The following STPG1 variants were observed in gnomAD, a reference collection of about 807,000 sequenced individuals.
STPG1 encodes sperm tail PG-rich repeat containing 1, also known as O(6)-methylguanine-induced apoptosis 2.
In STPG1, 33 loss-of-function variants were observed where a neutral mutation model predicts 40.1. The observed-to-expected ratio is 0.82, with a 90% CI of 0.62 to 1.10. The LOEUF is 1.10. Among genes scored for constraint, STPG1 ranks in the 50% least tolerant of loss-of-function variants. STPG1 has a pLI of 0.00. For missense variants in STPG1, 396 were observed against 415.1 expected (o/e 0.95, Z 0.40); for synonymous variants, 150 against 155.0 (o/e 0.97, Z 0.24).
At chr1:24,367,663 C>T (rs1303746397) in intron 7 of STPG1, among the ~76,000 whole-genome samples, 4 of 152,100 alleles carry the variant, frequency 2.6e-5, no homozygotes, top group South Asian at 2.1e-4. Flanking sequence ...GGATTACAGG[C>T]GCCCTCCACC....
At chr1:24,410,318 C>T (rs1643567328) in intron 1 of STPG1, among the ~76,000 whole-genome samples, 1 of 152,074 alleles carries the variant, frequency 6.6e-6, no homozygotes, top group Non-Finnish European at 1.5e-5. Flanking sequence ...TTTAAACAAT[C>T]TGCAATCCAT....
intron 1 of STPG1, among the ~76,000 whole-genome samples, chr1:24,407,746 ATCT>A (rs1317687340): frequency 1.3e-5 from 2 of 152,064 alleles, no homozygotes; most frequent in African/African-American, 4.8e-5. Context: ...AAGTTCACTG[ATCT>A]TCTGAAGTCT....
At chr1:24,398,987 A>G (rs1355450793) in intron 2 of STPG1, among the ~76,000 whole-genome samples, 1 of 152,158 alleles carries the variant, frequency 6.6e-6, no homozygotes, top group African/African-American at 2.4e-5. Flanking sequence ...CTGATTGTAA[A>G]ATTTGTATAG....
At chr1:24,380,539 A>G (rs1456552854) in intron 4 of STPG1, among the ~76,000 whole-genome samples, 2 of 152,202 alleles carry the variant, frequency 1.3e-5, no homozygotes, top group Non-Finnish European at 2.9e-5. Context: ...ATTTCCCACT[A>G]TTTAATGGTC....
intron 4 of STPG1, among the ~76,000 whole-genome samples, chr1:24,380,871 C>T (rs1254759918): frequency 3.2e-4 from 48 of 152,146 alleles, no homozygotes; most frequent in Non-Finnish European, 1.5e-5. Context: ...CCAACTCTGC[C>T]AAACTCGAAT....
chr1:24,401,553 G>A, intron 1 of STPG1, 97 bp from the exon 2 acceptor site: 26 of 647,724 alleles, frequency 4.0e-5, no homozygotes, highest in East Asian at 3.9e-4. Flanking sequence ...CTGAGAAATG[G>A]TGTGGGTGCC....
intron 5 of STPG1, among the ~76,000 whole-genome samples, chr1:24,375,060 A>G (rs1028463582): frequency 1.3e-5 from 2 of 152,240 alleles, no homozygotes; most frequent in Non-Finnish European, 2.9e-5. Flanking sequence ...CGTATCATTT[A>G]AGATTGTGAT....
At chr1:24,362,497 A>G (rs1484414618) in intron 7 of STPG1, among the ~76,000 whole-genome samples, 1 of 152,238 alleles carries the variant, frequency 6.6e-6, no homozygotes, top group Admixed American at 6.5e-5. Flanking sequence ...CAGTATACAC[A>G]GCATTGCAAG....
intron 7 of STPG1, chr1:24,369,341 G>C (rs1302088740): frequency 2.0e-6 from 1 of 507,654 alleles, no homozygotes; most frequent in Non-Finnish European, 4.0e-6. Context: ...AATTCCCTGT[G>C]GCTCCTCAAG....
intron 2 of STPG1, among the ~76,000 whole-genome samples, chr1:24,397,775 T>C (rs1177824070): frequency 2.6e-5 from 4 of 152,142 alleles, no homozygotes; most frequent in Admixed American, 2.6e-4. Context: ...GTTGCTGATA[T>C]ATCAATACTC....
rs1642795389 is a variant in STPG1 at position 24,392,042 on chromosome 1, A to G, written c.71-363T>C. ...CCTGGACGAGGCGCGGTCAGGACAG[A>G]GGAAGCGTCCTCACTGCTCCTTGGC... On this transcript the variant is annotated intron_variant, in intron 2 of 8. Transcript: ENST00000337248. 7.8e-6 allele frequency: 8 copies of G among 1,019,120 alleles called. No individual in the cohort carries two copies. In the Admixed American group the frequency reaches 4.5e-4, roughly 57 times the overall value. 63.1% of individuals were successfully genotyped at this position (1,019,120 alleles called of 1,614,324 possible). A position where few individuals can be genotyped will look rare whatever the true frequency, so the allele number is the denominator to read the frequency against.
chr1:24,369,058 C>T (rs1641603200), intron 7 of STPG1: 1 of 201,474 alleles, frequency 5.0e-6, no homozygotes, highest in Non-Finnish European at 1.0e-5. Context: ...GAATTATTCC[C>T]ACCTTACAGA....
At chr1:24,360,714 T>A in intron 8 of STPG1, 137 bp downstream of exon 8, 1 of 764,052 alleles carries the variant, frequency 1.3e-6, no homozygotes, top group Non-Finnish European at 2.1e-6. Context: ...TGTGAACTGA[T>A]AATGCTTCCA....
chr1:24,366,548 T>A (rs1641479132), intron 7 of STPG1, among the ~76,000 whole-genome samples: 1 of 152,256 alleles, frequency 6.6e-6, no homozygotes, highest in South Asian at 2.1e-4. Flanking sequence ...ACCAGTCTTA[T>A]CTTCTTGCTT....
chr1:24,383,878 T>C lies in STPG1; in HGVS notation c.291+24A>G, dbSNP rs772632383. 27 of 1,438,356 alleles carry C rather than the reference T, an allele frequency of 1.9e-5. 1 individual carries two copies. The South Asian group carries it at 2.9e-4, about 15-fold the overall frequency. 89.1% of individuals were successfully genotyped at this position (1,438,356 alleles called of 1,614,324 possible). A position where few individuals can be genotyped will look rare whatever the true frequency, so the allele number is the denominator to read the frequency against. ...AGGAAATTACTGACCAGTTAATGCT[T>C]TACTCAAGAGAAGTGGTTCTCACCA... On this transcript the variant is annotated intron_variant, in intron 4 of 8. Transcript: ENST00000337248.
At chr1:24,412,305 C>T (rs970891870) in intron 1 of STPG1, among the ~76,000 whole-genome samples, 8 of 152,162 alleles carry the variant, frequency 5.3e-5, no homozygotes, top group Admixed American at 1.3e-4. Flanking sequence ...CTTTCCTCAC[C>T]GGACCCAGGC....
chr1:24,397,415 C>T (rs1339045549), intron 2 of STPG1, among the ~76,000 whole-genome samples: 1 of 152,090 alleles, frequency 6.6e-6, no homozygotes, highest in Admixed American at 6.6e-5. Context: ...CATTTCCAAA[C>T]TCATTCAATG....
At chr1:24,392,755 G>C (rs532475223) in intron 2 of STPG1, among the ~76,000 whole-genome samples, 23 of 151,964 alleles carry the variant, frequency 1.5e-4, no homozygotes, top group Non-Finnish European at 2.8e-4. Flanking sequence ...AATTTTGGGT[G>C]GGGGGGTGCA....
intron 2 of STPG1, among the ~76,000 whole-genome samples, chr1:24,392,417 G>A (rs1642811716): frequency 6.6e-6 from 1 of 152,082 alleles, no homozygotes; most frequent in Non-Finnish European, 1.5e-5. Context: ...TTTGATGTTT[G>A]ATGGCTGATA....
Sources: allele counts gnomAD v4.1 joint callset (sites outside exome capture counted in the v4.1 genomes callset), GRCh38; gene constraint gnomAD v4.1.1; transcripts MANE v1.5; gene names NCBI Gene and HGNC (gene_info 2026-07-23, HGNC 2026-07-21).